GALNT13: variants seen among roughly 807,000 people sequenced by gnomAD.
The protein encoded by GALNT13 is polypeptide N-acetylgalactosaminyltransferase 13.
Under a neutral mutation model 64.2 loss-of-function variants are expected in GALNT13, and 28 were observed. The observed-to-expected ratio is 0.44, with a 90% confidence interval of 0.32 to 0.60. The LOEUF (loss-of-function observed/expected upper bound fraction) is 0.60. Among genes scored for constraint, GALNT13 ranks in the 20% least tolerant of loss-of-function variants. GALNT13 has a pLI of 0.05. For synonymous variants in GALNT13, 214 were observed against 224.6 expected (o/e 0.95, Z 0.42); for missense variants, 577 against 669.8 (o/e 0.86, Z 1.53).
At chr2:153,091,041 T>A in the GALNT13 span, among the ~76,000 whole-genome samples, 15 of 152,178 alleles carry the variant, frequency 9.9e-5, no homozygotes, top group African/African-American at 3.6e-4. Context: ...ACCTTGACCC[T>A]CCCTGTCTGC....
the GALNT13 span, among the ~76,000 whole-genome samples, chr2:153,721,341 C>T: frequency 7.2e-6 from 1 of 139,400 alleles, no homozygotes; most frequent in Non-Finnish European, 1.5e-5. Flanking sequence ...CAACCAGTAC[C>T]AGCCGCTGCA....
At chr2:154,003,809 A>G (rs1696071260) in intron 3 of GALNT13, among the ~76,000 whole-genome samples, 1 of 151,882 alleles carries the variant, frequency 6.6e-6, no homozygotes, top group Non-Finnish European at 1.5e-5. Flanking sequence ...AGTGTGTAGC[A>G]CCTTCCCCCT....
chr2:153,500,854 T>C, the GALNT13 span, among the ~76,000 whole-genome samples: 1 of 152,220 alleles, frequency 6.6e-6, no homozygotes, highest in Non-Finnish European at 1.5e-5. Flanking sequence ...TAACCCTAGT[T>C]ATGATTGATA....
intron 3 of GALNT13, among the ~76,000 whole-genome samples, chr2:153,992,796 C>G (rs534923050): frequency 6.6e-6 from 1 of 152,254 alleles, no homozygotes; most frequent in African/African-American, 2.4e-5. Context: ...AAACCAATGG[C>G]AGCACTAACA....
chr2:153,330,415 A>G, the GALNT13 span, among the ~76,000 whole-genome samples: 1 of 152,008 alleles, frequency 6.6e-6, no homozygotes, highest in Non-Finnish European at 1.5e-5. Context: ...AATATCCTCC[A>G]TTTGTTTGTG....
At chr2:154,035,441 A>G (rs1698604403) in intron 3 of GALNT13, among the ~76,000 whole-genome samples, 1 of 152,076 alleles carries the variant, frequency 6.6e-6, no homozygotes, top group Non-Finnish European at 1.5e-5. Flanking sequence ...CGTTAATGTC[A>G]CTGCAAGTTG....
At chr2:154,443,772 A>C (rs1701423959) in intron 12 of GALNT13, among the ~76,000 whole-genome samples, 1 of 152,086 alleles carries the variant, frequency 6.6e-6, no homozygotes, top group Non-Finnish European at 1.5e-5. Flanking sequence ...ATTTTATGTT[A>C]GTCAAACTTG....
upstream of GALNT13, among the ~76,000 whole-genome samples, chr2:153,867,189 C>T (rs187743550): frequency 6.6e-6 from 1 of 152,214 alleles, no homozygotes; most frequent in Admixed American, 6.5e-5. Flanking sequence ...CAGTTTCTGC[C>T]CAACCTCCTT....
At chr2:154,316,941 G>A (rs780407269) in intron 9 of GALNT13, among the ~76,000 whole-genome samples, 27 of 152,168 alleles carry the variant, frequency 1.8e-4, no homozygotes, top group African/African-American at 4.6e-4. Context: ...GGCCAGGTGC[G>A]GTGGCTGATG....
chr2:154,265,798 AC>A (rs1469461908), intron 8 of GALNT13, among the ~76,000 whole-genome samples: 1 of 152,226 alleles, frequency 6.6e-6, no homozygotes, highest in Non-Finnish European at 1.5e-5. Flanking sequence ...CCAAAACTTG[AC>A]AAAGTCATTA....
the GALNT13 span, among the ~76,000 whole-genome samples, chr2:153,640,954 G>A: frequency 6.6e-6 from 1 of 152,058 alleles, no homozygotes; most frequent in East Asian, 1.9e-4. Context: ...ATCTTGTCAG[G>A]AGACCAAAGA....
In GALNT13 at chr2:154,025,719, A is replaced by G. The variant is rs970385046; in HGVS notation, c.142+81080A>G. Among the ~76,000 whole-genome samples the G allele has an allele frequency of 2.6e-5, 4 of 152,352 alleles. No individual in the cohort carries two copies. In the East Asian group the frequency reaches 5.8e-4, roughly 22 times the overall value. ...ACTCTGTACCAAACATTTTGACACAACTAACCAGGAAGATGTGTGTCTTGA... is the reference window on the plus strand; with the variant it reads ...ACTCTGTACCAAACATTTTGACACAGCTAACCAGGAAGATGTGTGTCTTGA... On this transcript the variant is annotated intron_variant, in intron 3 of 12. Coordinates refer to ENST00000392825, the MANE Select transcript of GALNT13 (RefSeq NM_052917.4).
intron 9 of GALNT13, among the ~76,000 whole-genome samples, chr2:154,370,085 A>G (rs1336033797): frequency 2.0e-5 from 3 of 151,896 alleles, no homozygotes; most frequent in Non-Finnish European, 4.4e-5. Flanking sequence ...CCTCTGAAAG[A>G]CTCTATTTTC....
At position 154,053,706 on chromosome 2, in the gene GALNT13, T is replaced by C. The variant is rs562668946; in HGVS notation, c.143-86631T>C. Among the ~76,000 whole-genome samples, 3 of 152,302 alleles carry C rather than the reference T, an allele frequency of 2.0e-5. No homozygotes were observed. The South Asian group carries it at 6.2e-4, about 32-fold the overall frequency. On this transcript the variant is annotated intron_variant, in intron 3 of 12. Transcript: ENST00000392825. Reference sequence around the variant, plus strand: ...TAGCATCTACCTTCCAAATCCACTTTGGAATGGCTTTGTTGCTTAGATTTT... The same window carrying C: ...TAGCATCTACCTTCCAAATCCACTTCGGAATGGCTTTGTTGCTTAGATTTT...
At chr2:153,432,546 A>G in the GALNT13 span, among the ~76,000 whole-genome samples, 4 of 152,280 alleles carry the variant, frequency 2.6e-5, no homozygotes, top group Admixed American at 2.6e-4. Context: ...ACAAGTTGAC[A>G]AGTGATTCAG....
the GALNT13 span, among the ~76,000 whole-genome samples, chr2:153,093,236 C>CTTTTTTTTTTTTTTTTTTTTTT: frequency 5.4e-5 from 7 of 129,008 alleles, no homozygotes; most frequent in Non-Finnish European, 1.1e-4. Flanking sequence ...TTTTTCTTTT[C>CTTTTTTTTTTTTTTTTTTTTTT]TTTTCTTTTT....
chr2:154,288,890 A>G, intron 8 of GALNT13, among the ~76,000 whole-genome samples: 1 of 152,200 alleles, frequency 6.6e-6, no homozygotes, highest in East Asian at 1.9e-4. Context: ...CTACCATTCT[A>G]GGGTCTGGAG....
chr2:153,317,682 C>T, the GALNT13 span, among the ~76,000 whole-genome samples: 1 of 151,882 alleles, frequency 6.6e-6, no homozygotes, highest in African/African-American at 2.4e-5. Flanking sequence ...TTAAAACTTT[C>T]AGTAAAGTGT....
the GALNT13 span, among the ~76,000 whole-genome samples, chr2:153,676,331 G>A: frequency 1.6e-4 from 24 of 151,990 alleles, no homozygotes; most frequent in African/African-American, 2.4e-5. Flanking sequence ...TTGAAACCCT[G>A]AGCAGACCAA....
Sources: gnomAD v4.1 joint callset for allele counts (sites outside exome capture counted in the v4.1 genomes callset) on GRCh38, gnomAD v4.1.1 for gene constraint, MANE v1.5 for transcripts, NCBI Gene and HGNC (gene_info 2026-07-23, HGNC 2026-07-21) for gene names.